SV2C: variants seen among roughly 807,000 people sequenced by gnomAD.
The protein encoded by SV2C is synaptic vesicle glycoprotein 2C.
In SV2C, 49 loss-of-function variants were observed where a neutral mutation model predicts 79.7. The ratio of observed to expected loss-of-function variants is 0.61; its 90% confidence interval spans 0.49 to 0.78. The LOEUF is 0.78. SV2C is among the 30% of genes least tolerant of loss of function. The pLI, the probability that SV2C is intolerant of heterozygous loss-of-function variation, is 0.00. For synonymous variants in SV2C, 334 were observed against 333.2 expected (o/e 1.00, Z -0.03); for missense variants, 833 against 912.9 (o/e 0.91, Z 1.13).
At chr5:76,034,945 C>A in the SV2C span, among the ~76,000 whole-genome samples, 2 of 152,098 alleles carry the variant, frequency 1.3e-5, no homozygotes, top group African/African-American at 4.8e-5. Flanking sequence ...TTGGTCTATT[C>A]AGAGATTCAA....
rs982863170 is a variant in SV2C at position 76,330,366 on chromosome 5, C to T, written c.*4819C>T. The T allele has an allele frequency of 3.3e-5, 5 of 152,220 alleles. No individual in the cohort carries two copies. In the South Asian group the frequency reaches 6.2e-4, roughly 19 times the overall value. The allele number at this position is 152,220 out of a possible 1,614,324, so 9.4% of individuals were successfully genotyped here. On this transcript the variant is annotated 3_prime_UTR_variant, in exon 13 of 13. Coordinates refer to ENST00000502798, the MANE Select transcript of SV2C (RefSeq NM_014979.4). ...TGGTTGGGCAGGGGAAGAGCTGAGC[C>T]GAGCCTTCACTGATCTCTTGTCATT...
intron 4 of SV2C, among the ~76,000 whole-genome samples, chr5:76,280,257 T>TG (rs201288018): frequency 0.023 from 3,529 of 151,908 alleles, 139 homozygotes; most frequent in African/African-American, 0.078. Flanking sequence ...ATGTGTGTGT[T>TG]CATATGTGTG....
At chr5:76,032,868 A>G in the SV2C span, among the ~76,000 whole-genome samples, 4 of 152,186 alleles carry the variant, frequency 2.6e-5, no homozygotes, top group African/African-American at 4.8e-5. Context: ...CACCAACAGT[A>G]TAAAAGTGTT....
At chr5:76,150,334 C>A (rs190748420) in intron 2 of SV2C, among the ~76,000 whole-genome samples, 1 of 151,950 alleles carries the variant, frequency 6.6e-6, no homozygotes, top group South Asian at 2.1e-4. Flanking sequence ...TGTGCCACCA[C>A]GCCCAGCTAA....
the SV2C span, among the ~76,000 whole-genome samples, chr5:75,863,791 G>A: frequency 6.6e-6 from 1 of 152,142 alleles, no homozygotes; most frequent in Non-Finnish European, 1.5e-5. Flanking sequence ...ATCATTTTGA[G>A]AAGATTAAAT....
chr5:75,925,986 A>G, the SV2C span, among the ~76,000 whole-genome samples: 1 of 152,166 alleles, frequency 6.6e-6, no homozygotes, highest in African/African-American at 2.4e-5. Context: ...AGGAGTCTAT[A>G]AAAATTATTG....
chr5:76,309,599 CAAAAAAAAAAAAAA>C (rs769865757), intron 12 of SV2C, among the ~76,000 whole-genome samples: 2 of 18,706 alleles, frequency 1.1e-4, no homozygotes, highest in Non-Finnish European at 1.4e-4. Flanking sequence ...AACTCCATCT[CAAAAAAAAAAAAAA>C]AAAAAAAAAA....
chr5:76,332,318 G>A lies in SV2C; in HGVS notation c.*6771G>A, dbSNP rs1474080269. 3 of 152,188 alleles carry A rather than the reference G, an allele frequency of 2.0e-5. No individual in the cohort carries two copies. Among genetic ancestry groups the A allele is most frequent in the Non-Finnish European group, 4.4e-5 (3 of 68,040 alleles). The allele number at this position is 152,188 out of a possible 1,614,324, so 9.4% of individuals were successfully genotyped here. On this transcript the variant is annotated 3_prime_UTR_variant, in exon 13 of 13. Transcript: ENST00000502798. ...AGTCCAAAACAGCTTTGTGGTGCCT[G>A]GGGAGTGACTAGGCAGCCTGCTCAC...
Position 76,143,377 on chromosome 5 carries a change from G to A in SV2C, c.580+11047G>A, listed in dbSNP as rs1749321729. On this transcript the variant is annotated intron_variant, in intron 2 of 12. Coordinates refer to ENST00000502798, the MANE Select transcript of SV2C (RefSeq NM_014979.4). ...CCCTAATCCCTTACCCCAGAAACAA[G>A]TTCATTCTCCCACGTCCAACTCTAT... is the stretch of plus-strand genomic sequence containing the variant. Among the ~76,000 whole-genome samples, 4 of 152,218 alleles carry A rather than the reference G, an allele frequency of 2.6e-5. No individual in the cohort carries two copies. In the South Asian group the frequency reaches 8.3e-4, roughly 32 times the overall value.
the SV2C span, among the ~76,000 whole-genome samples, chr5:76,070,897 T>A: frequency 6.6e-6 from 1 of 152,234 alleles, no homozygotes; most frequent in East Asian, 1.9e-4. Context: ...GGACTCCCTA[T>A]GCCTCCATTT....
chr5:76,253,516 T>C (rs115766677), intron 4 of SV2C, among the ~76,000 whole-genome samples: 2,217 of 152,294 alleles, frequency 0.015, 44 homozygotes, highest in African/African-American at 0.04. Context: ...CATGGTTTTA[T>C]TTAAAGATGC....
At chr5:76,125,611 G>A (rs1388914642) in intron 1 of SV2C, among the ~76,000 whole-genome samples, 2 of 152,198 alleles carry the variant, frequency 1.3e-5, no homozygotes, top group African/African-American at 2.4e-5. Context: ...CATGAAGTAA[G>A]TGTGAGAGCA....
chr5:76,108,616 T>C (rs1748003649), intron 1 of SV2C, among the ~76,000 whole-genome samples: 1 of 152,194 alleles, frequency 6.6e-6, no homozygotes, highest in Admixed American at 6.5e-5. Flanking sequence ...TAAATACCCG[T>C]ATTCCATCGA....
At chr5:76,145,494 T>A (rs1343114957) in intron 2 of SV2C, among the ~76,000 whole-genome samples, 1 of 152,230 alleles carries the variant, frequency 6.6e-6, no homozygotes, top group Admixed American at 6.5e-5. Flanking sequence ...TTTAAGTCAT[T>A]ACCAAAAATA....
Position 76,306,969 on chromosome 5 carries a change from C to A in SV2C, c.2000+5424C>A, listed in dbSNP as rs75411476. On this transcript the variant is annotated intron_variant, in intron 12 of 12. Transcript: ENST00000502798. ...GTTGTGGGAATTCTGAAAACAGATA[C>A]CACATTTGTAGAGGGGGATGATCTA... Among the ~76,000 whole-genome samples the A allele has an allele frequency of 2.5e-4, 38 of 152,226 alleles. 1 individual carries two copies. The East Asian group carries it at 6.4e-3, about 26-fold the overall frequency.
chr5:75,973,079 A>G, the SV2C span, among the ~76,000 whole-genome samples: 1 of 152,086 alleles, frequency 6.6e-6, no homozygotes, highest in African/African-American at 2.4e-5. Flanking sequence ...TGCAAGGACA[A>G]AAAACCAAAC....
downstream of SV2C, among the ~76,000 whole-genome samples, chr5:76,337,272 C>G (rs769472012): frequency 6.6e-6 from 1 of 152,074 alleles, no homozygotes; most frequent in Non-Finnish European, 1.5e-5. Flanking sequence ...ATAGTCTTCC[C>G]TCTTTACATA....
chr5:76,173,993 A>T (rs766956307), intron 2 of SV2C: 1 of 1,559,470 alleles, frequency 6.4e-7, no homozygotes, highest in Non-Finnish European at 8.8e-7. Context: ...CATTGCTGTA[A>T]ATTGCTCCGT....
At chr5:76,299,931 AG>A (rs1747923159) in intron 10 of SV2C, among the ~76,000 whole-genome samples, 2 of 152,178 alleles carry the variant, frequency 1.3e-5, no homozygotes, top group African/African-American at 2.4e-5. Context: ...GGTGACCTTC[AG>A]ATGAGGCTGA....
Sources: gnomAD v4.1 joint callset for allele counts (sites outside exome capture counted in the v4.1 genomes callset) on GRCh38, gnomAD v4.1.1 for gene constraint, MANE v1.5 for transcripts, NCBI Gene and HGNC (gene_info 2026-07-23, HGNC 2026-07-21) for gene names.